Variants in PPP1R15B observed in about 807,000 individuals in gnomAD.
The protein encoded by PPP1R15B is protein phosphatase 1 regulatory subunit 15B, also known as protein phosphatase 1, regulatory (inhibitor) subunit 15B.
Under a neutral mutation model 53.9 loss-of-function variants are expected in PPP1R15B, and 31 were observed. The ratio of observed to expected loss-of-function variants is 0.58; its 90% CI spans 0.43 to 0.78. PPP1R15B has a LOEUF of 0.78. PPP1R15B is among the 30% of genes least tolerant of loss of function. The pLI, the probability that PPP1R15B is intolerant of heterozygous loss-of-function variation, is 0.00. For synonymous variants in PPP1R15B, 345 were observed against 329.1 expected, an observed-to-expected ratio of 1.05 and a Z score of -0.52; for missense variants, 928 against 849.6, an observed-to-expected ratio of 1.09 and a Z score of -1.15.
downstream of PPP1R15B, among the ~76,000 whole-genome samples, chr1:204,397,309 G>C (rs3014621): frequency 0.57 from 86,070 of 152,110 alleles, 28,235 homozygotes; most frequent in Non-Finnish European, 0.74. Context: ...CAGATCACCT[G>C]AGCTCAGGAG....
chr1:204,411,336 G>A lies in PPP1R15B; in HGVS notation c.76C>T (p.Pro26Ser), dbSNP rs12094135. The A allele has an allele frequency of 3.0e-4, 488 of 1,614,112 alleles. 3 individuals are homozygous for A. In the African/African-American group the frequency reaches 4.7e-3, roughly 16 times the overall value. ...GAAGAGCCTGCTTGCGATCGCCGAG[G>A]GAAAAAGGGTGGCCAGAACCGGAAG... Reference protein sequence around the residue: ...AGFRFWPPFFPRRSQAGSSKF... With the variant: ...AGFRFWPPFFSRRSQAGSSKF... The change falls in exon 1 of 2, where the codon CCT (proline) becomes TCT (serine). Residue 26 changes from proline to serine, a missense_variant. Transcript: ENST00000367188.
chr1:204,404,131 T>C lies in PPP1R15B; in HGVS notation c.*1961A>G, dbSNP rs555813805. The C allele has an allele frequency of 1.0e-6, 1 of 985,426 alleles. No individual in the cohort carries two copies. Among genetic ancestry groups the C allele is most frequent in the South Asian group, 4.7e-5 (1 of 21,288 alleles). The allele number at this position is 985,426 out of a possible 1,614,324, so 61.0% of individuals were successfully genotyped here. A position where few individuals can be genotyped will look rare whatever the true frequency, so the allele number is the denominator to read the frequency against. On this transcript the variant is annotated 3_prime_UTR_variant, in exon 2 of 2. Transcript: ENST00000367188. ...ATGACGCCTGCTTTCCAACCGACAT[T>C]GCTGTTGCTTGAAACTAGCCTGTTT...
downstream of PPP1R15B, among the ~76,000 whole-genome samples, chr1:204,397,182 G>C (rs1405389183): frequency 1.3e-5 from 2 of 150,536 alleles, no homozygotes; most frequent in Non-Finnish European, 3.0e-5. Flanking sequence ...GCAAGGTTCT[G>C]TCTCAAAATA....
chr1:204,396,351 T>C (rs1052367393), downstream of PPP1R15B, among the ~76,000 whole-genome samples: 1 of 55,090 alleles, frequency 1.8e-5, no homozygotes, highest in South Asian at 5.8e-4. Flanking sequence ...CTACTAAAAA[T>C]ACAAAAAAAA....
chr1:204,396,552 C>CAAA (rs5780236), downstream of PPP1R15B, among the ~76,000 whole-genome samples: 3 of 131,048 alleles, frequency 2.3e-5, no homozygotes, highest in South Asian at 2.5e-4. Flanking sequence ...CCCTGTCTGT[C>CAAA]AAAAAAAAAA....
downstream of PPP1R15B, among the ~76,000 whole-genome samples, chr1:204,396,839 G>T (rs943202707): frequency 7.9e-5 from 12 of 152,154 alleles, no homozygotes; most frequent in Admixed American, 5.9e-4. Flanking sequence ...CAGTGAGGAG[G>T]AATAAGTTCA....
chr1:204,410,381 G>A lies in PPP1R15B; in HGVS notation c.1031C>T (p.Thr344Ile), dbSNP rs1324442195. 6.2e-7 allele frequency: 1 copy of A among 1,614,222 alleles called. No individual in the cohort carries two copies. Among genetic ancestry groups the A allele is most frequent in the South Asian group, 1.1e-5 (1 of 91,086 alleles). The change falls in exon 1 of 2, where the codon ACA (threonine) becomes ATA (isoleucine). Residue 344 changes from threonine to isoleucine, a missense_variant. Transcript: ENST00000367188. ...GTCTCCAGCAGCAGGAACAAACTGT[G>A]TTGGGTTATCTCTGCAGTGTTTTGG... The part of the protein sequence containing the change: ...MDPKHCRDNP[T>I]QFVPAAGDIP...
downstream of PPP1R15B, chr1:204,403,257 T>A (rs1222121829): frequency 3.6e-6 from 1 of 278,424 alleles, no homozygotes; most frequent in African/African-American, 2.3e-5. Flanking sequence ...CTCATAATAC[T>A]GCAAGAACCA....
rs1002741958 is a variant in PPP1R15B at position 204,404,556 on chromosome 1, T to C, written c.*1536A>G. On this transcript the variant is annotated 3_prime_UTR_variant, in exon 2 of 2. Transcript: ENST00000367188. ...AAAAATTTGACCAGCTTTTATAGTG[T>C]TGCATTCTCAATGTGTTTAATTATG... is the stretch of plus-strand genomic sequence containing the variant. 8.1e-6 allele frequency: 8 copies of C among 985,558 alleles called. No individual in the cohort carries two copies. Among genetic ancestry groups the C allele is most frequent in the Admixed American group, 1.2e-4 (2 of 16,252 alleles). 61.1% of individuals were successfully genotyped at this position (985,558 alleles called of 1,614,324 possible). A position where few individuals can be genotyped will look rare whatever the true frequency, so the allele number is the denominator to read the frequency against.
Position 204,411,223 on chromosome 1 carries a change from C to G in PPP1R15B, c.189G>C (p.Trp63Cys), listed in dbSNP as rs762933941. The G allele has an allele frequency of 4.6e-5, 74 of 1,614,128 alleles. No individual in the cohort carries two copies. The highest frequency in any genetic ancestry group is 6.1e-5 in the Non-Finnish European group (72 of 1,180,054). ...SAQPETRVSY[W>C]TKLLSQLLAP... Reference sequence around the variant, plus strand: ...CAAGGAGCTGGGAGAGCAGTTTCGTCCAGTAACTGACCCGAGTCTCGGGCT... The same window carrying G: ...CAAGGAGCTGGGAGAGCAGTTTCGTGCAGTAACTGACCCGAGTCTCGGGCT... The change falls in exon 1 of 2, where the codon TGG becomes TGC. Residue 63 changes from tryptophan (W) to cysteine (C), a missense_variant. Physicochemically the swap from Trp to Cys is radical, Grantham distance 215 (BLOSUM62 -2). Transcript: ENST00000367188.
rs1674256443 is a variant in PPP1R15B, at chr1:204,405,904, T to C, written c.*188A>G. ...GAAATCACACTAGTTCATCCTTCAT[T>C]ATCAGGGCTGGCTTCAAACCTGAAT... On this transcript the variant is annotated 3_prime_UTR_variant, in exon 2 of 2. Coordinates refer to ENST00000367188, the MANE Select transcript of PPP1R15B (RefSeq NM_032833.5). 4 of 1,381,420 alleles carry C rather than the reference T, an allele frequency of 2.9e-6. No homozygotes were observed. Among genetic ancestry groups the C allele is most frequent in the Non-Finnish European group, 3.7e-6 (4 of 1,069,284 alleles). The allele number at this position is 1,381,420 out of a possible 1,614,324, so 85.6% of individuals were successfully genotyped here.
chr1:204,409,404 C>A, intron 1 of PPP1R15B, 88 bp downstream of exon 1: 2 of 1,439,196 alleles, frequency 1.4e-6, no homozygotes, highest in African/African-American at 2.8e-5. Flanking sequence ...AATACATGCA[C>A]TCCTAAGCCT....
rs1019307449 is a variant in PPP1R15B, at chr1:204,410,187, G to A, written c.1225C>T (p.Leu409=). Reference sequence around the variant, plus strand: ...GCAGAAATGGGAAGGTCACCTTCTAGGTATGAGTAATCAACTACACTTATT... The same window carrying A: ...GCAGAAATGGGAAGGTCACCTTCTAAGTATGAGTAATCAACTACACTTATT... The part of the protein sequence containing the change: ...GRISVVDYSY[L]EGDLPISARP... Residue 409 remains leucine (L), a synonymous_variant, in exon 1 of 2, where the codon CTA becomes TTA. Coordinates refer to ENST00000367188, the MANE Select transcript of PPP1R15B (RefSeq NM_032833.5). 1 of 1,614,038 alleles carries A rather than the reference G, an allele frequency of 6.2e-7. No individual in the cohort carries two copies. Among genetic ancestry groups the A allele is most frequent in the East Asian group, 2.2e-5 (1 of 44,886 alleles).
Position 204,410,056 on chromosome 1 carries a change from A to C in PPP1R15B, c.1356T>G (p.Ala452=). 1 of 1,614,192 alleles carries C rather than the reference A, an allele frequency of 6.2e-7. No individual in the cohort carries two copies. Among genetic ancestry groups the C allele is most frequent in the South Asian group, 1.1e-5 (1 of 91,088 alleles). The change falls in exon 1 of 2, where the codon GCT becomes GCG. Residue 452 remains alanine (A), a synonymous_variant. Coordinates refer to ENST00000367188, the MANE Select transcript of PPP1R15B (RefSeq NM_032833.5). Reference sequence around the variant, plus strand: ...TATCACTATCAAAACCATCATCCTCAGCTTCCTCATCCCAATCCTCACCTT... The same window carrying C: ...TATCACTATCAAAACCATCATCCTCCGCTTCCTCATCCCAATCCTCACCTT... ...DPEGEDWDEE[A]EDDGFDSDSS... is the part of the protein sequence containing the mutation.
At chr1:204,402,074 C>T (rs1674187678), downstream of PPP1R15B, among the ~76,000 whole-genome samples, 1 of 152,196 alleles carries the variant, frequency 6.6e-6, no homozygotes, top group African/African-American at 2.4e-5. Flanking sequence ...GCCATTTTCA[C>T]ATATATTACT....
At chr1:204,400,134 G>A (rs924110791), downstream of PPP1R15B, among the ~76,000 whole-genome samples, 6 of 151,816 alleles carry the variant, frequency 4.0e-5, no homozygotes, top group Non-Finnish European at 8.8e-5. Context: ...CTACTCGAGA[G>A]GCTGAGATAG....
intron 1 of PPP1R15B, among the ~76,000 whole-genome samples, chr1:204,408,567 T>C (rs1202399801): frequency 6.6e-6 from 1 of 152,090 alleles, no homozygotes; most frequent in Non-Finnish European, 1.5e-5. Context: ...CTAACTTCTC[T>C]CTCCAAGTAA....
chr1:204,399,844 C>A (rs772875390), downstream of PPP1R15B, among the ~76,000 whole-genome samples: 6 of 152,148 alleles, frequency 3.9e-5, no homozygotes, highest in Non-Finnish European at 7.3e-5. Flanking sequence ...ACTAGTCTTT[C>A]ATGATAAAAT....
chr1:204,410,385 G>C lies in PPP1R15B; in HGVS notation c.1027C>G (p.Pro343Ala). Residue 343 changes from proline (P) to alanine (A), a missense_variant, in exon 1 of 2, where the codon CCA (proline) becomes GCA (alanine). Transcript: ENST00000367188. ...RMDPKHCRDN[P>A]TQFVPAAGDI... ...CCAGCAGCAGGAACAAACTGTGTTG[G>C]GTTATCTCTGCAGTGTTTTGGATCC... 5.0e-6 allele frequency: 8 copies of C among 1,614,198 alleles called. No homozygotes were observed. The highest frequency in any genetic ancestry group is 1.1e-5 in the South Asian group (1 of 91,084).
Sources: allele counts gnomAD v4.1 joint callset (sites outside exome capture counted in the v4.1 genomes callset), GRCh38; gene constraint gnomAD v4.1.1; transcripts MANE v1.5; gene names NCBI Gene and HGNC (gene_info 2026-07-23, HGNC 2026-07-21).